UBXN4: variants seen among roughly 807,000 people sequenced by gnomAD.
The protein encoded by UBXN4 is UBX domain protein 4, also known as UBX domain-containing protein 4.
Under a neutral mutation model 66.2 loss-of-function variants are expected in UBXN4, and 35 were observed. That is an observed-to-expected ratio of 0.53 (90% confidence interval 0.40 to 0.70). The LOEUF (loss-of-function observed/expected upper bound fraction) is 0.70. Among genes scored for constraint, UBXN4 ranks in the 30% least tolerant of loss-of-function variants. The probability of loss-of-function intolerance (pLI) is 0.00; values close to 1 mark genes in which losing one functional copy is unlikely to be tolerated. For synonymous variants in UBXN4, 203 were observed against 204.5 expected, an observed-to-expected ratio of 0.99 and a Z score of 0.06; for missense variants, 533 against 599.8, an observed-to-expected ratio of 0.89 and a Z score of 1.16.
At chr2:135,772,898 A>G (rs530517053) in intron 9 of UBXN4, among the ~76,000 whole-genome samples, 160 of 152,078 alleles carry the variant, frequency 1.1e-3, no homozygotes, top group Non-Finnish European at 1.8e-3. Context: ...TTAGCTGGGC[A>G]TGGTGGCGGG....
rs986004612 is a variant in UBXN4 at position 135,783,723 on chromosome 2, T to G, written c.*836T>G. 1.1e-4 allele frequency: 16 copies of G among 152,242 alleles called. No homozygotes were observed. The highest frequency in any genetic ancestry group is 3.9e-4 in the African/African-American group (16 of 41,460). 9.4% of individuals were successfully genotyped at this position (152,242 alleles called of 1,614,324 possible). ...TGCAACCTAGTTTTCCCTCTCACCT[T>G]TAACTGACGTTTTGTCCTCAATAAT... On this transcript the variant is annotated 3_prime_UTR_variant, in exon 13 of 13. Transcript: ENST00000272638.
intron 6 of UBXN4, among the ~76,000 whole-genome samples, chr2:135,765,922 G>A (rs1317601627): frequency 2.0e-5 from 3 of 152,114 alleles, no homozygotes; most frequent in African/African-American, 7.2e-5. Flanking sequence ...GGAGGCCGAG[G>A]TAGGTGGATC....
Position 135,784,118 on chromosome 2 carries a change from A to G in UBXN4, c.*1231A>G, listed in dbSNP as rs1559545660. 2.0e-5 allele frequency: 3 copies of G among 152,216 alleles called. No individual in the cohort carries two copies. Among genetic ancestry groups the G allele is most frequent in the Non-Finnish European group, 4.4e-5 (3 of 68,042 alleles). The allele number at this position is 152,216 out of a possible 1,614,324, so 9.4% of individuals were successfully genotyped here. On this transcript the variant is annotated 3_prime_UTR_variant, in exon 13 of 13. Coordinates refer to ENST00000272638, the MANE Select transcript of UBXN4 (RefSeq NM_014607.4). ...TGCGCTGTTGGTAGGAGTGAAAACCAGTATAATTCTTCTGAAAAACATTTA... is the reference window on the plus strand; with the variant it reads ...TGCGCTGTTGGTAGGAGTGAAAACCGGTATAATTCTTCTGAAAAACATTTA...
chr2:135,759,328 A>T (rs1384373606), intron 5 of UBXN4, among the ~76,000 whole-genome samples: 1 of 152,184 alleles, frequency 6.6e-6, no homozygotes, highest in Admixed American at 6.5e-5. Context: ...AAAGCTTAAT[A>T]GTAATCCTTT....
At chr2:135,769,678 CCA>C in intron 6 of UBXN4, 89 bp from the exon 7 acceptor site, 1 of 950,144 alleles carries the variant, frequency 1.1e-6, no homozygotes. Flanking sequence ...CTTTATTTCT[CCA>C]ATTGTTTTAG....
Position 135,784,021 on chromosome 2 carries a change from A to AT in UBXN4, c.*1140dup, listed in dbSNP as rs1300004407. The AT allele has an allele frequency of 6.6e-6, 1 of 151,144 alleles. No homozygotes were observed. The highest frequency in any genetic ancestry group is 2.4e-5 in the African/African-American group (1 of 40,920). 9.4% of individuals were successfully genotyped at this position (151,144 alleles called of 1,614,324 possible). The stretch of plus-strand genomic sequence containing the variant: ...GAAATTTTCTCAGAGCAAACTTTCT[A>AT]TTTTTTACCTGTGAAATAACAGTGA... On this transcript the variant is annotated 3_prime_UTR_variant, in exon 13 of 13. Coordinates refer to ENST00000272638, the MANE Select transcript of UBXN4 (RefSeq NM_014607.4).
chr2:135,757,702 C>G (rs1292187398), intron 5 of UBXN4, among the ~76,000 whole-genome samples: 1 of 152,004 alleles, frequency 6.6e-6, no homozygotes, highest in Non-Finnish European at 1.5e-5. Context: ...AGACAATTAA[C>G]TTGGCTAGAC....
chr2:135,774,825 A>G (rs1317296075), intron 9 of UBXN4, among the ~76,000 whole-genome samples: 1 of 151,590 alleles, frequency 6.6e-6, no homozygotes, highest in African/African-American at 2.4e-5. Flanking sequence ...AGCCTGGGCG[A>G]CAGAGTGGGA....
At chr2:135,773,133 C>T (rs997265407) in intron 9 of UBXN4, among the ~76,000 whole-genome samples, 3 of 151,224 alleles carry the variant, frequency 2.0e-5, no homozygotes, top group African/African-American at 7.3e-5. Context: ...TTATCTCATA[C>T]GTATTAGGAT....
At chr2:135,743,218 ATTGTT>A (rs1051772506) in intron 1 of UBXN4, among the ~76,000 whole-genome samples, 5 of 152,194 alleles carry the variant, frequency 3.3e-5, no homozygotes, top group African/African-American at 4.8e-5. Flanking sequence ...GGAATTTATA[ATTGTT>A]TTGTTACGCC....
At chr2:135,755,990 C>G (rs146481031) in intron 5 of UBXN4, among the ~76,000 whole-genome samples, 2 of 152,096 alleles carry the variant, frequency 1.3e-5, no homozygotes, top group African/African-American at 4.8e-5. Context: ...AAATCTCTTA[C>G]TAGCCTAGAG....
rs1270062553 is a variant in UBXN4, at chr2:135,784,339, A to G, written c.*1452A>G. The G allele has an allele frequency of 1.3e-5, 2 of 152,206 alleles. No individual in the cohort carries two copies. Among genetic ancestry groups the G allele is most frequent in the African/African-American group, 4.8e-5 (2 of 41,464 alleles). The allele number at this position is 152,206 out of a possible 1,614,324, so 9.4% of individuals were successfully genotyped here. A position where few individuals can be genotyped will look rare whatever the true frequency, so the allele number is the denominator to read the frequency against. On this transcript the variant is annotated 3_prime_UTR_variant, in exon 13 of 13. Transcript: ENST00000272638. ...ACAATACTAATTAACAACTTGGTTT[A>G]ACATGTTTACTGAGCATCTGTTAAG...
At chr2:135,745,587 A>G (rs1438304) in intron 1 of UBXN4, among the ~76,000 whole-genome samples, 80,186 of 152,056 alleles carry the variant, frequency 0.53, 25,467 homozygotes, top group Non-Finnish European at 0.73. Flanking sequence ...GCAATAAAAT[A>G]GTGAACATAT....
rs1056444212 is a variant in UBXN4, at chr2:135,779,204, C to G, written c.1185+125C>G. On this transcript the variant is annotated intron_variant, in intron 11 of 12. Coordinates refer to ENST00000272638, the MANE Select transcript of UBXN4 (RefSeq NM_014607.4). ...TGAAGGTAATTAAAATTCAAGTGAT[C>G]CAATAATTAGATGAATTTATAATTC... is the stretch of plus-strand genomic sequence containing the variant. 8.0e-6 allele frequency: 8 copies of G among 1,005,858 alleles called. No homozygotes were observed. In the African/African-American group the frequency reaches 1.0e-4, roughly 13 times the overall value. 62.3% of individuals were successfully genotyped at this position (1,005,858 alleles called of 1,614,324 possible). A position where few individuals can be genotyped will look rare whatever the true frequency, so the allele number is the denominator to read the frequency against.
At chr2:135,759,422 T>A (rs1011633631) in intron 5 of UBXN4, among the ~76,000 whole-genome samples, 5 of 152,208 alleles carry the variant, frequency 3.3e-5, no homozygotes, top group African/African-American at 1.2e-4. Context: ...TTGGTTGATG[T>A]GTTTTTAAAT....
At chr2:135,754,393 C>T (rs2077266911) in intron 4 of UBXN4, 116 bp downstream of exon 4, 2 of 747,788 alleles carry the variant, frequency 2.7e-6, no homozygotes, top group South Asian at 3.4e-5. Flanking sequence ...GTGATCTCAG[C>T]TCAAGTGCAG....
At chr2:135,774,862 C>T (rs1348575475) in intron 9 of UBXN4, among the ~76,000 whole-genome samples, 2 of 149,508 alleles carry the variant, frequency 1.3e-5, no homozygotes, top group South Asian at 4.2e-4. Flanking sequence ...AAAAAAAATG[C>T]AAAGAACAAC....
At chr2:135,772,115 T>TATA (rs1268437354) in intron 8 of UBXN4, among the ~76,000 whole-genome samples, 1 of 151,476 alleles carries the variant, frequency 6.6e-6, no homozygotes, top group Non-Finnish European at 1.5e-5. Flanking sequence ...AAGCCAGGAG[T>TATA]ATAAGATCAG....
chr2:135,755,031 G>A lies in UBXN4; in HGVS notation c.334-486G>A, dbSNP rs182844926. Among the ~76,000 whole-genome samples, 30 of 152,148 alleles carry A rather than the reference G, an allele frequency of 2.0e-4. No homozygotes were observed. In the East Asian group the frequency reaches 5.0e-3, roughly 25 times the overall value. ...ACTCCTGACCTCAAGTGATCTGCCC[G>A]CCTTGACCTCCCAAAGTGCTGGGAT... is the stretch of plus-strand genomic sequence containing the variant. On this transcript the variant is annotated intron_variant, in intron 4 of 12. Transcript: ENST00000272638.
Sources: allele counts gnomAD v4.1 joint callset (sites outside exome capture counted in the v4.1 genomes callset), GRCh38; gene constraint gnomAD v4.1.1; transcripts MANE v1.5; gene names NCBI Gene and HGNC (gene_info 2026-07-23, HGNC 2026-07-21).